Variants in DGKG observed in about 807,000 individuals in gnomAD.
DGKG encodes diacylglycerol kinase gamma.
In DGKG, 78 loss-of-function variants were observed where a neutral mutation model predicts 105.3. That is an observed-to-expected ratio of 0.74 (90% CI 0.62 to 0.89). DGKG has a LOEUF of 0.89. Ranked by LOEUF, DGKG falls within the 40% of genes least tolerant of loss-of-function variation. The pLI, the probability that DGKG is intolerant of heterozygous loss-of-function variation, is 0.00. For missense variants in DGKG, 958 were observed against 1,020.1 expected, an observed-to-expected ratio of 0.94 and a Z score of 0.83; for synonymous variants, 346 against 367.1, an observed-to-expected ratio of 0.94 and a Z score of 0.66.
intron 21 of DGKG, among the ~76,000 whole-genome samples, chr3:186,193,019 C>A (rs1382703240): frequency 6.6e-6 from 1 of 152,140 alleles, no homozygotes; most frequent in East Asian, 1.9e-4. Context: ...AAACGTTTAC[C>A]TCTTCCTGGA....
intron 20 of DGKG, among the ~76,000 whole-genome samples, chr3:186,240,358 CTG>C (rs1187384570): frequency 6.6e-6 from 1 of 152,224 alleles, no homozygotes; most frequent in Non-Finnish European, 1.5e-5. Context: ...CAGCACCAGG[CTG>C]TGAGTCCCCT....
intron 19 of DGKG, among the ~76,000 whole-genome samples, chr3:186,250,202 G>T (rs1222876515): frequency 6.6e-6 from 1 of 152,172 alleles, no homozygotes; most frequent in Non-Finnish European, 1.5e-5. Context: ...AATATGTACA[G>T]TCTAGCACTG....
chr3:186,235,883 G>A (rs955571027), intron 20 of DGKG, among the ~76,000 whole-genome samples: 2 of 152,166 alleles, frequency 1.3e-5, no homozygotes, highest in African/African-American at 2.4e-5. Flanking sequence ...TGCAGTCCAT[G>A]ACCCCTGCTA....
At chr3:186,193,976 G>C (rs1018127778) in intron 21 of DGKG, among the ~76,000 whole-genome samples, 1 of 152,228 alleles carries the variant, frequency 6.6e-6, no homozygotes, top group Admixed American at 6.5e-5. Flanking sequence ...AGCAGAGAGC[G>C]TGCACACGCA....
chr3:186,150,022 A>G lies in DGKG; in HGVS notation c.*68T>C. 1 of 1,550,080 alleles carries G rather than the reference A, an allele frequency of 6.5e-7. No individual in the cohort carries two copies. Among genetic ancestry groups the G allele is most frequent in the Non-Finnish European group, 8.7e-7 (1 of 1,146,736 alleles). On this transcript the variant is annotated 3_prime_UTR_variant, in exon 25 of 25. Coordinates refer to ENST00000265022, the MANE Select transcript of DGKG (RefSeq NM_001346.3). ...TGTGCATGTGTGAGTGTGCACATAAATTGTGTGTGAGTGTGCATTATAGTT... is the reference window on the plus strand; with the variant it reads ...TGTGCATGTGTGAGTGTGCACATAAGTTGTGTGTGAGTGTGCATTATAGTT...
chr3:186,276,608 T>A (rs566339097), intron 9 of DGKG, among the ~76,000 whole-genome samples: 1 of 152,220 alleles, frequency 6.6e-6, no homozygotes, highest in Non-Finnish European at 1.5e-5. Context: ...ACCTCCTGAC[T>A]TTGTTCAGAA....
At chr3:186,254,822 T>C (rs1350730049) in intron 17 of DGKG, among the ~76,000 whole-genome samples, 3 of 152,178 alleles carry the variant, frequency 2.0e-5, no homozygotes, top group African/African-American at 7.2e-5. Flanking sequence ...TCCCTCGCAC[T>C]GGCTCACTGC....
intron 3 of DGKG, among the ~76,000 whole-genome samples, chr3:186,299,100 T>C (rs1056675737): frequency 2.0e-5 from 3 of 152,210 alleles, no homozygotes; most frequent in Non-Finnish European, 2.9e-5. Flanking sequence ...CAACAACAGT[T>C]TGCAGTGAGT....
intron 22 of DGKG, among the ~76,000 whole-genome samples, chr3:186,166,902 A>G (rs544863264): frequency 6.6e-6 from 1 of 152,252 alleles, no homozygotes; most frequent in South Asian, 2.1e-4. Flanking sequence ...TCCCTCCTTA[A>G]AACATTCCCT....
intron 17 of DGKG, among the ~76,000 whole-genome samples, chr3:186,257,405 T>C (rs1721531242): frequency 6.6e-6 from 1 of 152,246 alleles, no homozygotes; most frequent in Non-Finnish European, 1.5e-5. Flanking sequence ...CTTCTTTGCT[T>C]GCACTGATCT....
intron 16 of DGKG, among the ~76,000 whole-genome samples, chr3:186,259,171 G>A (rs1355982505): frequency 6.6e-6 from 1 of 152,244 alleles, no homozygotes; most frequent in Non-Finnish European, 1.5e-5. Flanking sequence ...TGTCTGATTA[G>A]AGAGTGACAT....
chr3:186,241,044 G>C (rs558282222), intron 20 of DGKG, among the ~76,000 whole-genome samples: 1 of 152,274 alleles, frequency 6.6e-6, no homozygotes, highest in South Asian at 2.1e-4. Context: ...AGAAGATGCT[G>C]TGGCAGGATG....
intron 2 of DGKG, among the ~76,000 whole-genome samples, chr3:186,319,109 G>A (rs749154536): frequency 6.6e-6 from 1 of 152,154 alleles, no homozygotes; most frequent in African/African-American, 2.4e-5. Flanking sequence ...TACCCTGGAG[G>A]GTGATTTTTT....
At chr3:186,215,893 C>CCATCCATT (rs1451698810) in intron 20 of DGKG, among the ~76,000 whole-genome samples, 25 of 152,050 alleles carry the variant, frequency 1.6e-4, no homozygotes, top group Admixed American at 1.0e-3. Flanking sequence ...ATCCATCCAT[C>CCATCCATT]CATCCATTAA....
intron 5 of DGKG, among the ~76,000 whole-genome samples, chr3:186,296,953 A>G (rs1723594114): frequency 1.3e-5 from 2 of 152,144 alleles, no homozygotes; most frequent in African/African-American, 4.8e-5. Context: ...GGAAGTCAAC[A>G]AGGGCACATT....
In DGKG at chr3:186,361,239, A is replaced by G. The variant is rs972925022; in HGVS notation, c.-249+707T>C. On this transcript the variant is annotated intron_variant, in intron 1 of 24. Coordinates refer to ENST00000265022, the MANE Select transcript of DGKG (RefSeq NM_001346.3). This position sits in a 1 kb window ranked among gnomAD's most constrained non-coding sequence, Gnocchi z 6.8. ...CAGCCCCCTCCCCTAATTCTATTCC[A>G]CTAGTTCAAACGAAGAAAATCTCAG... Among the ~76,000 whole-genome samples, 3 of 152,100 alleles carry G rather than the reference A, an allele frequency of 2.0e-5. No individual in the cohort carries two copies. Among genetic ancestry groups the G allele is most frequent in the Non-Finnish European group, 2.9e-5 (2 of 68,014 alleles).
In DGKG at chr3:186,149,870, T is replaced by G. The variant is rs1051148112; in HGVS notation, c.*220A>C. 1 of 1,315,042 alleles carries G rather than the reference T, an allele frequency of 7.6e-7. No homozygotes were observed. The allele number at this position is 1,315,042 out of a possible 1,614,324, so 81.5% of individuals were successfully genotyped here. Reference sequence around the variant, plus strand: ...GGGCCCTAAGTCCATTCAAAATGTTTTGTTGGCACTGGCTCTGTTAGGGGT... The same window carrying G: ...GGGCCCTAAGTCCATTCAAAATGTTGTGTTGGCACTGGCTCTGTTAGGGGT... On this transcript the variant is annotated 3_prime_UTR_variant, in exon 25 of 25. Coordinates refer to ENST00000265022, the MANE Select transcript of DGKG (RefSeq NM_001346.3).
intron 1 of DGKG, among the ~76,000 whole-genome samples, chr3:186,351,544 G>T (rs1247143125): frequency 6.6e-6 from 1 of 152,152 alleles, no homozygotes; most frequent in African/African-American, 2.4e-5. Flanking sequence ...GAACTACTGG[G>T]TTCAGTGGTG....
chr3:186,347,679 G>T (rs1216717319), intron 1 of DGKG, among the ~76,000 whole-genome samples: 1 of 151,726 alleles, frequency 6.6e-6, no homozygotes, highest in Non-Finnish European at 1.5e-5. Context: ...TGCCTCCTGG[G>T]TTCAAGTGTT....
Sources: allele counts gnomAD v4.1 joint callset (sites outside exome capture counted in the v4.1 genomes callset), GRCh38; gene constraint gnomAD v4.1.1; non-coding constraint Gnocchi (gnomAD v3.1); transcripts MANE v1.5; gene names NCBI Gene and HGNC (gene_info 2026-07-23, HGNC 2026-07-21).